Variants in PPP2R2C observed in about 807,000 individuals in gnomAD.
PPP2R2C encodes the protein protein phosphatase 2, regulatory subunit B, gamma.
A neutral mutation model predicts 45.3 loss-of-function variants in PPP2R2C; 10 were observed. The observed-to-expected ratio is 0.22, with a 90% CI of 0.14 to 0.37. PPP2R2C has a LOEUF of 0.37. PPP2R2C is among the 10% of genes least tolerant of loss of function. The pLI is 1.00. For synonymous variants in PPP2R2C, 257 were observed against 245.4 expected (o/e 1.05, Z -0.44); for missense variants, 308 against 619.7 (o/e 0.50, Z 5.34).
At chr4:6,500,469 G>A (rs1464222364) in intron 2 of PPP2R2C, among the ~76,000 whole-genome samples, 1 of 152,202 alleles carries the variant, frequency 6.6e-6, no homozygotes, top group East Asian at 1.9e-4. Flanking sequence ...TTCTAGAAGG[G>A]TGAAGATGAG....
intron 4 of PPP2R2C, among the ~76,000 whole-genome samples, chr4:6,373,901 ATG>A (rs60094669): frequency 0.28 from 40,680 of 146,008 alleles, 5,730 homozygotes; most frequent in Middle Eastern, 0.36. Flanking sequence ...ATGTGCATGC[ATG>A]TGTGTGTGTG....
At chr4:6,535,114 G>A (rs1482962683) in intron 2 of PPP2R2C, among the ~76,000 whole-genome samples, 1 of 152,148 alleles carries the variant, frequency 6.6e-6, no homozygotes, top group African/African-American at 2.4e-5. Flanking sequence ...GCCAGGGTCG[G>A]GGGCCCAGGG....
intron 2 of PPP2R2C, among the ~76,000 whole-genome samples, chr4:6,510,228 C>G (rs1723380328): frequency 6.7e-6 from 1 of 149,994 alleles, no homozygotes; most frequent in Admixed American, 6.6e-5. Context: ...CCCCCTTTCA[C>G]CACCTCCCAC....
chr4:6,451,330 C>A (rs1051774504), intron 1 of PPP2R2C, among the ~76,000 whole-genome samples: 2 of 152,256 alleles, frequency 1.3e-5, no homozygotes, highest in Non-Finnish European at 2.9e-5. Context: ...GTAGCCCAGG[C>A]TTCTCGGCAC....
chr4:6,367,462 TG>T (rs1479833515), intron 5 of PPP2R2C, among the ~76,000 whole-genome samples: 2 of 152,052 alleles, frequency 1.3e-5, no homozygotes, highest in Non-Finnish European at 2.9e-5. Flanking sequence ...CTCCTGACCC[TG>T]GGTTTTTCTT....
At chr4:6,403,561 G>A (rs1417478066) in intron 1 of PPP2R2C, among the ~76,000 whole-genome samples, 1 of 152,180 alleles carries the variant, frequency 6.6e-6, no homozygotes, top group Non-Finnish European at 1.5e-5. Flanking sequence ...TGTCTTTAAA[G>A]AGCTTGGAAC....
chr4:6,328,605 C>A lies in PPP2R2C; in HGVS notation c.1052+657G>T, dbSNP rs1002005874. ...GTAGAGGTCAGGTCAGGAGCCCCTG[C>A]CACAGCCCCCTTGTCCATGCCCGCC... On this transcript the variant is annotated intron_variant, in intron 8 of 8. Coordinates refer to ENST00000382599, the MANE Select transcript of PPP2R2C (RefSeq NM_020416.4). This position sits in a 1 kb window ranked among gnomAD's most constrained non-coding sequence, Gnocchi z 4.4. Among the ~76,000 whole-genome samples the A allele has an allele frequency of 3.2e-4, 49 of 152,194 alleles. No individual in the cohort carries two copies. Among genetic ancestry groups the A allele is most frequent in the African/African-American group, 1.1e-3 (44 of 41,450 alleles).
In PPP2R2C at chr4:6,345,621, C is replaced by T. The variant is rs1711804474; in HGVS notation, c.790+2225G>A. On this transcript the variant is annotated intron_variant, in intron 6 of 8. Coordinates refer to ENST00000382599, the MANE Select transcript of PPP2R2C (RefSeq NM_020416.4). The surrounding 1 kb of genome is among the most constrained non-coding windows in gnomAD (Gnocchi z 5.3). ...GGGCCACGTGCCAGGGAACGCAGCG[C>T]CTCTAGAAGCCAGAAGAGGCAGGGA... is the stretch of plus-strand genomic sequence containing the variant. Among the ~76,000 whole-genome samples, 1 of 152,074 alleles carries T rather than the reference C, an allele frequency of 6.6e-6. No individual in the cohort carries two copies. The highest frequency in any genetic ancestry group is 2.4e-5 in the African/African-American group (1 of 41,412).
intron 1 of PPP2R2C, among the ~76,000 whole-genome samples, chr4:6,464,754 G>A (rs764985459): frequency 3.3e-5 from 5 of 152,154 alleles, no homozygotes; most frequent in Admixed American, 2.0e-4. Flanking sequence ...GAAATAGCAC[G>A]TGTGGAATTC....
At chr4:6,504,830 A>G (rs1723168666) in intron 2 of PPP2R2C, among the ~76,000 whole-genome samples, 1 of 152,200 alleles carries the variant, frequency 6.6e-6, no homozygotes, top group South Asian at 2.1e-4. Flanking sequence ...ACAGTCTCCC[A>G]TGAGTGTGAC....
chr4:6,348,523 G>A, intron 5 of PPP2R2C: 1 of 509,748 alleles, frequency 2.0e-6, no homozygotes, highest in Non-Finnish European at 2.5e-6. Flanking sequence ...CCTGCCCCCG[G>A]CACCTGCTCC....
intron 1 of PPP2R2C, among the ~76,000 whole-genome samples, chr4:6,548,612 G>A (rs867128815): frequency 4.6e-5 from 7 of 152,202 alleles, no homozygotes; most frequent in East Asian, 1.9e-4. Flanking sequence ...AGAGCTTCCC[G>A]ACAGCCATGC....
intron 2 of PPP2R2C, among the ~76,000 whole-genome samples, chr4:6,511,414 A>G (rs1465000401): frequency 5.8e-5 from 5 of 86,754 alleles, no homozygotes; most frequent in African/African-American, 9.6e-5. Context: ...GGTGGTGGTG[A>G]CAGTGATGGT....
chr4:6,472,068 A>G, intron 1 of PPP2R2C, 92 bp downstream of exon 1: 1 of 1,509,608 alleles, frequency 6.6e-7, no homozygotes, highest in South Asian at 1.1e-5. Context: ...CACGACACAC[A>G]TCGCGCGGTC....
chr4:6,380,384 C>G (rs1560498806), intron 2 of PPP2R2C: 1 of 152,816 alleles, frequency 6.5e-6, no homozygotes, highest in Non-Finnish European at 1.5e-5. Flanking sequence ...CTGTCTTACC[C>G]AGAGTTCTGC....
chr4:6,462,684 G>A (rs1045911886), intron 1 of PPP2R2C, among the ~76,000 whole-genome samples: 2 of 152,140 alleles, frequency 1.3e-5, no homozygotes, highest in Non-Finnish European at 2.9e-5. Context: ...CAGAATTTAG[G>A]TAACAAAGAA....
intron 1 of PPP2R2C, among the ~76,000 whole-genome samples, chr4:6,419,690 G>GCTGGAA (rs1718840476): frequency 2.0e-5 from 3 of 152,096 alleles, no homozygotes; most frequent in Non-Finnish European, 4.4e-5. Flanking sequence ...GAAAACAATC[G>GCTGGAA]AACTTTATCC....
Position 6,355,993 on chromosome 4 carries a change from G to GAAAAAAAAAAAAAAAAAAAAAAA in PPP2R2C, c.626-8006_626-7984dup, listed in dbSNP as rs61011461. On this transcript the variant is annotated intron_variant, in intron 5 of 8. Transcript: ENST00000382599. ...GGGTGACAGAGTGAGACTCTGCCTGGAAAAAAAAAAAAAAAAAAAAAAAGA... is the reference window on the plus strand; with the variant it reads ...GGGTGACAGAGTGAGACTCTGCCTGGAAAAAAAAAAAAAAAAAAAAAAAAAAAAAAAAAAAAAAAAAAAAAAGA... Among the ~76,000 whole-genome samples, 3 of 97,904 alleles carry GAAAAAAAAAAAAAAAAAAAAAAA rather than the reference G, an allele frequency of 3.1e-5. 1 individual carries two copies. The highest frequency in any genetic ancestry group is 6.9e-5 in the African/African-American group (2 of 28,892). 64.2% of individuals were successfully genotyped at this position (97,904 alleles called of 152,430 possible). A position where few individuals can be genotyped will look rare whatever the true frequency, so the allele number is the denominator to read the frequency against.
rs571596154 is a variant in PPP2R2C at position 6,378,070 on chromosome 4, G to T, written c.334+337C>A. Among the ~76,000 whole-genome samples, 11 of 152,092 alleles carry T rather than the reference G, an allele frequency of 7.2e-5. No homozygotes were observed. Among genetic ancestry groups the T allele is most frequent in the African/African-American group, 2.7e-4 (11 of 41,416 alleles). ...GTCCATCACACTCCCTCACCCCAAA[G>T]CAAAGGCCTACAAAGATGGCTCGGA... On this transcript the variant is annotated intron_variant, in intron 3 of 8. Coordinates refer to ENST00000382599, the MANE Select transcript of PPP2R2C (RefSeq NM_020416.4). The surrounding 1 kb of genome is among the most constrained non-coding windows in gnomAD (Gnocchi z 5.2).
Sources: allele counts gnomAD v4.1 joint callset (sites outside exome capture counted in the v4.1 genomes callset), GRCh38; gene constraint gnomAD v4.1.1; non-coding constraint Gnocchi (gnomAD v3.1); transcripts MANE v1.5; gene names NCBI Gene and HGNC (gene_info 2026-07-23, HGNC 2026-07-21).